The following ST3GAL1 variants were observed in gnomAD, a reference collection of about 807,000 sequenced individuals.
ST3GAL1 encodes the protein ST3 beta-galactoside alpha-2,3-sialyltransferase 1, also known as CMP-N-acetylneuraminate-beta-galactosamide-alpha-2,3-sialyltransferase 1.
A neutral mutation model predicts 34.1 loss-of-function variants in ST3GAL1; 16 were observed. The observed-to-expected ratio is 0.47, with a 90% CI of 0.32 to 0.71. ST3GAL1 has a LOEUF of 0.71. ST3GAL1 is among the 30% of genes least tolerant of loss of function. The probability of loss-of-function intolerance (pLI) is 0.04; values close to 1 mark genes in which losing one functional copy is unlikely to be tolerated. For synonymous variants in ST3GAL1, 191 were observed against 184.7 expected (o/e 1.03, Z -0.28); for missense variants, 353 against 447.4 (o/e 0.79, Z 1.90).
At chr8:133,512,516 G>A (rs1169331474) in intron 2 of ST3GAL1, among the ~76,000 whole-genome samples, 2 of 152,072 alleles carry the variant, frequency 1.3e-5, no homozygotes, top group Non-Finnish European at 2.9e-5. Flanking sequence ...AGACACCCAA[G>A]AACAATACCT....
rs78468413 is a variant in ST3GAL1 at position 133,456,031 on chromosome 8, T to C, written c.*3733A>G. On this transcript the variant is annotated 3_prime_UTR_variant, in exon 10 of 10. Coordinates refer to ENST00000522652, the MANE Select transcript of ST3GAL1 (RefSeq NM_173344.3). ...GCCCTCTCCACCTTCTTTTTTTTTT[T>C]CCCTCCTATTTTACATTCTATTTTC... 0.19 allele frequency: 25,358 copies of C among 134,774 alleles called. 2,922 individuals are homozygous for C. Among genetic ancestry groups the C allele is most frequent in the East Asian group, 0.55 (2,791 of 5,104 alleles). The allele number at this position is 134,774 out of a possible 1,614,324, so 8.3% of individuals were successfully genotyped here.
At chr8:133,533,153 G>A (rs1468421263) in intron 2 of ST3GAL1, among the ~76,000 whole-genome samples, 1 of 152,066 alleles carries the variant, frequency 6.6e-6, no homozygotes, top group Non-Finnish European at 1.5e-5. Context: ...CAGCGCCCCC[G>A]CAGTCCAATG....
At chr8:133,480,636 T>C (rs1480591814) in intron 3 of ST3GAL1, among the ~76,000 whole-genome samples, 2 of 152,178 alleles carry the variant, frequency 1.3e-5, no homozygotes, top group African/African-American at 4.8e-5. Flanking sequence ...CTTGTCTCCC[T>C]GAAATGAAAA....
At chr8:133,511,280 C>A (rs1354980623) in intron 2 of ST3GAL1, among the ~76,000 whole-genome samples, 3 of 152,186 alleles carry the variant, frequency 2.0e-5, no homozygotes, top group Non-Finnish European at 4.4e-5. Context: ...GGTAGATAGG[C>A]ATTAAATCTG....
chr8:133,565,897 C>G (rs982241004), intron 1 of ST3GAL1, among the ~76,000 whole-genome samples: 1 of 152,216 alleles, frequency 6.6e-6, no homozygotes, highest in Admixed American at 6.5e-5. Flanking sequence ...TGCAGGGATT[C>G]CCCTGACTCT....
In ST3GAL1 at chr8:133,466,573, G is replaced by A. The variant is rs528785472; in HGVS notation, c.307-483C>T. ...TCAGACACCAGGGCCCAGGGGTTGCGTGCTCCCGCTCAAGCCTTAACAAGA... is the reference window on the plus strand; with the variant it reads ...TCAGACACCAGGGCCCAGGGGTTGCATGCTCCCGCTCAAGCCTTAACAAGA... On this transcript the variant is annotated intron_variant, in intron 5 of 9. Transcript: ENST00000522652. This position sits in a 1 kb window ranked among gnomAD's most constrained non-coding sequence, Gnocchi z 4.4. Among the ~76,000 whole-genome samples, 3 of 152,324 alleles carry A rather than the reference G, an allele frequency of 2.0e-5. No individual in the cohort carries two copies. The highest frequency in any genetic ancestry group is 6.5e-5 in the Admixed American group (1 of 15,306).
chr8:133,503,026 G>A (rs1022188139), intron 2 of ST3GAL1, among the ~76,000 whole-genome samples: 1 of 152,238 alleles, frequency 6.6e-6, no homozygotes, highest in Non-Finnish European at 1.5e-5. Context: ...TTAGAGGACA[G>A]CATGTCCTGG....
At chr8:133,480,932 T>C (rs1210905639) in intron 3 of ST3GAL1, among the ~76,000 whole-genome samples, 1 of 152,258 alleles carries the variant, frequency 6.6e-6, no homozygotes. Flanking sequence ...CTTTTAGTTC[T>C]GGAATTTCTA....
At chr8:133,489,115 G>C (rs1047469441) in intron 3 of ST3GAL1, among the ~76,000 whole-genome samples, 1 of 152,146 alleles carries the variant, frequency 6.6e-6, no homozygotes, top group Non-Finnish European at 1.5e-5. Flanking sequence ...TTCAGCCCTA[G>C]GGTTGGAAAC....
intron 1 of ST3GAL1, among the ~76,000 whole-genome samples, chr8:133,549,806 T>A (rs540250403): frequency 3.6e-4 from 55 of 151,722 alleles, no homozygotes; most frequent in Non-Finnish European, 6.8e-4. Context: ...CTACTAAAAA[T>A]ACAAAATTAG....
rs970104116 is a variant in ST3GAL1, at chr8:133,466,142, C to T, written c.307-52G>A. The T allele has an allele frequency of 1.9e-6, 3 of 1,557,024 alleles. No individual in the cohort carries two copies. In the African/African-American group the frequency reaches 4.1e-5, roughly 21 times the overall value. On this transcript the variant is annotated intron_variant, in intron 5 of 9. Coordinates refer to ENST00000522652, the MANE Select transcript of ST3GAL1 (RefSeq NM_173344.3). The surrounding 1 kb of genome is among the most constrained non-coding windows in gnomAD (Gnocchi z 4.4). ...AACCTGGCTTTGTGGCTCCAGCCTC[C>T]TGGCAGCAGAGCCCCTGAGCTACCT...
At chr8:133,531,084 C>G (rs1003210276) in intron 2 of ST3GAL1, among the ~76,000 whole-genome samples, 1 of 151,546 alleles carries the variant, frequency 6.6e-6, no homozygotes, top group Admixed American at 6.6e-5. Flanking sequence ...GGCTGTCCCC[C>G]GCTCTTAGTA....
At chr8:133,551,572 AAG>A (rs1404164596) in intron 1 of ST3GAL1, among the ~76,000 whole-genome samples, 1 of 149,178 alleles carries the variant, frequency 6.7e-6, no homozygotes, top group Non-Finnish European at 1.5e-5. Flanking sequence ...GAAAGAAAGA[AAG>A]AAAGAAAGAA....
chr8:133,543,970 T>C (rs1818606507), intron 2 of ST3GAL1: 1 of 152,236 alleles, frequency 6.6e-6, no homozygotes. Context: ...CACTCCTCTG[T>C]AATGGTGAGG....
chr8:133,558,241 G>T (rs933058233), intron 1 of ST3GAL1, among the ~76,000 whole-genome samples: 1 of 152,212 alleles, frequency 6.6e-6, no homozygotes, highest in South Asian at 2.1e-4. Flanking sequence ...AATTGATGAT[G>T]ATGTGTTGCC....
chr8:133,476,009 T>C lies in ST3GAL1; in HGVS notation c.16A>G (p.Lys6Glu). The C allele has an allele frequency of 1.3e-6, 2 of 1,594,878 alleles. No homozygotes were observed. The highest frequency in any genetic ancestry group is 1.3e-5 in the African/African-American group (1 of 74,708). ...AAGGTGAGCACTTTCAGGGTCCTCT[T>C]CCGCAGGGTCACCATCTTCGCAGTC... MVTLR[K>E]RTLKVLTFLV... is the part of the protein sequence containing the mutation. Residue 6 changes from lysine (K) to glutamate (E), a missense_variant, in exon 5 of 10, where the codon AAG (lysine) becomes GAG (glutamate). Transcript: ENST00000522652.
At position 133,455,992 on chromosome 8, in the gene ST3GAL1, C is replaced by G. The variant is rs916754753; in HGVS notation, c.*3772G>C. On this transcript the variant is annotated 3_prime_UTR_variant, in exon 10 of 10. Coordinates refer to ENST00000522652, the MANE Select transcript of ST3GAL1 (RefSeq NM_173344.3). ...AACCAGCCGTTTCCCTAAAGAATCA[C>G]CCAGATCTTAACTGCCCTCTCCACC... is the stretch of plus-strand genomic sequence containing the variant. 6.6e-6 allele frequency: 1 copy of G among 151,466 alleles called. No homozygotes were observed. The highest frequency in any genetic ancestry group is 1.5e-5 in the Non-Finnish European group (1 of 67,942). The allele number at this position is 151,466 out of a possible 1,614,324, so 9.4% of individuals were successfully genotyped here. A position where few individuals can be genotyped will look rare whatever the true frequency, so the allele number is the denominator to read the frequency against.
chr8:133,563,678 C>T (rs543076793), intron 1 of ST3GAL1, among the ~76,000 whole-genome samples: 10 of 152,316 alleles, frequency 6.6e-5, no homozygotes, highest in East Asian at 1.9e-4. Context: ...GAATTTCCCC[C>T]GTAAGAGGGT....
In ST3GAL1 at chr8:133,469,859, C is replaced by T. The variant is rs1241969812; in HGVS notation, c.307-3769G>A. On this transcript the variant is annotated intron_variant, in intron 5 of 9. Transcript: ENST00000522652. This position sits in a 1 kb window ranked among gnomAD's most constrained non-coding sequence, Gnocchi z 4.3. The stretch of plus-strand genomic sequence containing the variant: ...GCCTCACCTAACATCACAAGCCCCA[C>T]GCTTCAGAAATCTCAGACCCATTCC... 2.0e-5 allele frequency among the ~76,000 whole-genome samples: 3 copies of T among 152,128 alleles called. No homozygotes were observed. The highest frequency in any genetic ancestry group is 6.5e-5 in the Admixed American group (1 of 15,278).
Sources: gnomAD v4.1 joint callset for allele counts (sites outside exome capture counted in the v4.1 genomes callset) on GRCh38, gnomAD v4.1.1 for gene constraint, Gnocchi (gnomAD v3.1) non-coding constraint, MANE v1.5 for transcripts, NCBI Gene and HGNC (gene_info 2026-07-23, HGNC 2026-07-21) for gene names.